Variants in EZH2 observed in about 807,000 individuals in gnomAD.
EZH2 encodes enhancer of zeste 2 polycomb repressive complex 2 subunit, also known as histone-lysine N-methyltransferase EZH2.
EZH2 carries 18 observed loss-of-function variants against 98.4 expected under a neutral mutation model. The observed-to-expected ratio is 0.18, with a 90% CI of 0.13 to 0.27. The LOEUF (loss-of-function observed/expected upper bound fraction) is 0.27, where lower values mean the gene tolerates loss of function less well. Among genes scored for constraint, EZH2 ranks in the 10% least tolerant of loss-of-function variants. The probability of loss-of-function intolerance (pLI) is 1.00; values close to 1 mark genes in which losing one functional copy is unlikely to be tolerated. For missense variants in EZH2, 470 were observed against 935.1 expected, an observed-to-expected ratio of 0.50 and a Z score of 6.49; for synonymous variants, 338 against 312.3, an observed-to-expected ratio of 1.08 and a Z score of -0.87.
At chr7:148,879,250 A>ACAAAAACAAAAACAAAAAG (rs1820611035) in intron 1 of EZH2, among the ~76,000 whole-genome samples, 1 of 148,566 alleles carries the variant, frequency 6.7e-6, no homozygotes, top group Non-Finnish European at 1.5e-5. Context: ...AAAACAAAAA[A>ACAAAAACAAAAACAAAAAG]CAAAAACAAA....
rs1316015304 is a variant in EZH2 at position 148,884,167 on chromosome 7, C to A, written c.-11G>T. 3 of 158,980 alleles carry A rather than the reference C, an allele frequency of 1.9e-5. No individual in the cohort carries two copies. Among genetic ancestry groups the A allele is most frequent in the Non-Finnish European group, 4.2e-5 (3 of 72,130 alleles). 9.8% of individuals were successfully genotyped at this position (158,980 alleles called of 1,614,324 possible). A position where few individuals can be genotyped will look rare whatever the true frequency, so the allele number is the denominator to read the frequency against. ...GCCGCCCGCAGCGGCGCGTTACCTT[C>A]GTCCCGCGCGCCGACTCGCGTTGTT... is the stretch of plus-strand genomic sequence containing the variant. On this transcript the variant is annotated 5_prime_UTR_variant, in exon 1 of 20. Coordinates refer to ENST00000320356, the MANE Select transcript of EZH2 (RefSeq NM_004456.5).
At chr7:148,858,059 A>G (rs1209194624) in intron 1 of EZH2, among the ~76,000 whole-genome samples, 1 of 151,662 alleles carries the variant, frequency 6.6e-6, no homozygotes, top group African/African-American at 2.4e-5. Flanking sequence ...TTGGGAGGCC[A>G]AGGCAGGCAG....
intron 1 of EZH2, among the ~76,000 whole-genome samples, chr7:148,876,711 G>A (rs919489639): frequency 6.6e-6 from 1 of 152,184 alleles, no homozygotes; most frequent in Non-Finnish European, 1.5e-5. Flanking sequence ...AGGTACAGCT[G>A]GATGGCTTAG....
intron 1 of EZH2, among the ~76,000 whole-genome samples, chr7:148,860,742 G>A (rs187276025): frequency 5.9e-5 from 9 of 152,254 alleles, no homozygotes; most frequent in Admixed American, 5.9e-4. Flanking sequence ...CGCAATCACG[G>A]CTCACTACAG....
chr7:148,807,480 G>A lies in EZH2; in HGVS notation c.*166C>T, dbSNP rs1300820364. 1.6e-6 allele frequency: 1 copy of A among 618,800 alleles called. No homozygotes were observed. Among genetic ancestry groups the A allele is most frequent in the Non-Finnish European group, 2.9e-6 (1 of 346,326 alleles). 38.3% of individuals were successfully genotyped at this position (618,800 alleles called of 1,614,324 possible). On this transcript the variant is annotated 3_prime_UTR_variant, in exon 20 of 20. Coordinates refer to ENST00000320356, the MANE Select transcript of EZH2 (RefSeq NM_004456.5). Reference sequence around the variant, plus strand: ...CAAAACACTTTGCAGCTGGTGAGAAGGCAATAAAAAGTTGATTTTTAAACT... The same window carrying A: ...CAAAACACTTTGCAGCTGGTGAGAAAGCAATAAAAAGTTGATTTTTAAACT...
intron 17 of EZH2, among the ~76,000 whole-genome samples, chr7:148,810,009 T>A (rs1456887700): frequency 6.6e-6 from 1 of 152,242 alleles, no homozygotes; most frequent in African/African-American, 2.4e-5. Context: ...AGGCACTGAC[T>A]GGAGGAGGTG....
intron 1 of EZH2, among the ~76,000 whole-genome samples, chr7:148,882,717 T>C (rs1821192984): frequency 6.6e-6 from 1 of 152,242 alleles, no homozygotes; most frequent in Non-Finnish European, 1.5e-5. Flanking sequence ...TGCTGTTTTA[T>C]GATGACATCA....
intron 3 of EZH2, among the ~76,000 whole-genome samples, chr7:148,841,418 G>A (rs1451580707): frequency 6.6e-6 from 1 of 152,068 alleles, no homozygotes; most frequent in African/African-American, 2.4e-5. Flanking sequence ...AGTTAAAAGA[G>A]GCAAGGAGCT....
intron 19 of EZH2, among the ~76,000 whole-genome samples, 156 bp from the exon 20 acceptor site, chr7:148,807,862 A>G (rs909565613): frequency 2.0e-5 from 3 of 151,876 alleles, no homozygotes; most frequent in Admixed American, 1.3e-4. Flanking sequence ...AGCTGCCTGC[A>G]TAACGGCACA....
At chr7:148,845,964 A>G (rs938675755) in intron 3 of EZH2, among the ~76,000 whole-genome samples, 1 of 152,244 alleles carries the variant, frequency 6.6e-6, no homozygotes, top group Non-Finnish European at 1.5e-5. Context: ...GGAGTAATTA[A>G]GAGCTAGCTC....
chr7:148,817,715 G>C (rs1171815409), intron 10 of EZH2, 162 bp downstream of exon 10: 1 of 1,009,902 alleles, frequency 9.9e-7, no homozygotes, highest in Non-Finnish European at 1.5e-6. Context: ...TACGGGTGCA[G>C]GCAGGAAACA....
chr7:148,810,896 C>CAAAA lies in EZH2; in HGVS notation c.1948-486_1948-483dup, dbSNP rs924758768. Among the ~76,000 whole-genome samples, 26 of 43,662 alleles carry CAAAA rather than the reference C, an allele frequency of 6.0e-4. 1 individual carries two copies. The highest frequency in any genetic ancestry group is 2.1e-3 in the African/African-American group (25 of 11,652). The allele number at this position is 43,662 out of a possible 152,430, so 28.6% of individuals were successfully genotyped here. A position where few individuals can be genotyped will look rare whatever the true frequency, so the allele number is the denominator to read the frequency against. ...GGGCAACAAGAGCGAAACTCTGTCTCAAAAAAAAAAAAAAAAAAAAAAAAA... is the reference window on the plus strand; with the variant it reads ...GGGCAACAAGAGCGAAACTCTGTCTCAAAAAAAAAAAAAAAAAAAAAAAAAAAAA... On this transcript the variant is annotated intron_variant, in intron 16 of 19. Transcript: ENST00000320356.
intron 3 of EZH2, among the ~76,000 whole-genome samples, chr7:148,843,135 G>C (rs1336410375): frequency 6.6e-6 from 1 of 151,098 alleles, no homozygotes; most frequent in Non-Finnish European, 1.5e-5. Flanking sequence ...TTGAACCTGG[G>C]AGGCAGAGGT....
At chr7:148,873,056 G>C (rs1019589672) in intron 1 of EZH2, among the ~76,000 whole-genome samples, 1 of 152,040 alleles carries the variant, frequency 6.6e-6, no homozygotes, top group Non-Finnish European at 1.5e-5. Flanking sequence ...CGTGTCTCAC[G>C]TCTATAGTCC....
At chr7:148,854,013 T>C (rs1183549335) in intron 1 of EZH2, among the ~76,000 whole-genome samples, 1 of 152,232 alleles carries the variant, frequency 6.6e-6, no homozygotes, top group Non-Finnish European at 1.5e-5. Flanking sequence ...AGCACTGTTC[T>C]CTACCAGATA....
chr7:148,878,622 G>T (rs1820500912), intron 1 of EZH2, among the ~76,000 whole-genome samples: 1 of 152,172 alleles, frequency 6.6e-6, no homozygotes, highest in Admixed American at 6.5e-5. Context: ...ACAAAAGCTG[G>T]GTGCAGTGGG....
At chr7:148,851,096 A>C (rs1410640313) in intron 1 of EZH2, among the ~76,000 whole-genome samples, 1 of 152,188 alleles carries the variant, frequency 6.6e-6, no homozygotes, top group African/African-American at 2.4e-5. Flanking sequence ...ACCCACATGA[A>C]TAACGAGTAG....
intron 3 of EZH2, among the ~76,000 whole-genome samples, chr7:148,834,321 T>C (rs568059027): frequency 6.9e-6 from 1 of 144,298 alleles, no homozygotes; most frequent in Non-Finnish European, 1.5e-5. Context: ...TGTAGTAAAA[T>C]GAAACTGAAA....
rs1172023956 is a variant in EZH2 at position 148,884,169 on chromosome 7, T to G, written c.-13A>C. ...CGCCCGCAGCGGCGCGTTACCTTCG[T>G]CCCGCGCGCCGACTCGCGTTGTTCC... On this transcript the variant is annotated 5_prime_UTR_variant, in exon 1 of 20. Transcript: ENST00000320356. The G allele has an allele frequency of 6.3e-6, 1 of 157,830 alleles. No individual in the cohort carries two copies. Among genetic ancestry groups the G allele is most frequent in the Non-Finnish European group, 1.4e-5 (1 of 72,044 alleles). 9.8% of individuals were successfully genotyped at this position (157,830 alleles called of 1,614,324 possible).
Sources: allele counts gnomAD v4.1 joint callset (sites outside exome capture counted in the v4.1 genomes callset), GRCh38; gene constraint gnomAD v4.1.1; transcripts MANE v1.5; gene names NCBI Gene and HGNC (gene_info 2026-07-23, HGNC 2026-07-21).